The following FGFR2 variants were observed in gnomAD, a reference collection of about 807,000 sequenced individuals.
FGFR2 encodes the protein fibroblast growth factor receptor 2.
Under a neutral mutation model 95.9 loss-of-function variants are expected in FGFR2, and 19 were observed. The ratio of observed to expected loss-of-function variants is 0.20; its 90% CI spans 0.14 to 0.29. The LOEUF is 0.29. FGFR2 is among the 10% of genes least tolerant of loss of function. The pLI, the probability that FGFR2 is intolerant of heterozygous loss-of-function variation, is 1.00. For synonymous variants in FGFR2, 392 were observed against 393.3 expected, an observed-to-expected ratio of 1.00 and a Z score of 0.04; for missense variants, 707 against 1,056.9, an observed-to-expected ratio of 0.67 and a Z score of 4.59.
intron 2 of FGFR2, among the ~76,000 whole-genome samples, chr10:121,582,358 G>C (rs935771448): frequency 6.6e-6 from 1 of 152,100 alleles, no homozygotes; most frequent in Non-Finnish European, 1.5e-5. Flanking sequence ...GGAGCAAATG[G>C]ATGAAAAAAC....
At chr10:121,498,041 C>T (rs1203252914) in intron 12 of FGFR2, among the ~76,000 whole-genome samples, 1 of 152,218 alleles carries the variant, frequency 6.6e-6, no homozygotes, top group Non-Finnish European at 1.5e-5. Context: ...TTCCTTCATA[C>T]CGCTTTCTCC....
At chr10:121,586,030 A>AC (rs1337160417) in intron 2 of FGFR2, among the ~76,000 whole-genome samples, 2 of 151,884 alleles carry the variant, frequency 1.3e-5, no homozygotes, top group African/African-American at 4.8e-5. Context: ...TTTATAGTAC[A>AC]CCCCCCTGAG....
intron 5 of FGFR2, among the ~76,000 whole-genome samples, chr10:121,540,411 A>T (rs41295503): frequency 0.025 from 3,827 of 152,282 alleles, 165 homozygotes; most frequent in African/African-American, 0.084. Flanking sequence ...CTTAAGAGAG[A>T]TAAGCACCTT....
At chr10:121,584,974 C>G (rs529034412) in intron 2 of FGFR2, among the ~76,000 whole-genome samples, 1 of 147,350 alleles carries the variant, frequency 6.8e-6, no homozygotes, top group Non-Finnish European at 1.5e-5. Context: ...CCATCCCGCA[C>G]CCCACCCCAA....
At position 121,565,787 on chromosome 10, in the gene FGFR2, C is replaced by T. The variant is rs1857591328; in HGVS notation, c.110-83G>A. On this transcript the variant is annotated intron_variant, in intron 2 of 17. Transcript: ENST00000358487. ...ACGTCCAACAAAGGTCAGTGGAGGC[C>T]TGCTTATTCCCAGGAGAAGCTGTTC... is the stretch of plus-strand genomic sequence containing the variant. 4.6e-6 allele frequency: 7 copies of T among 1,528,988 alleles called. No individual in the cohort carries two copies. In the Admixed American group the frequency reaches 5.2e-5, roughly 11 times the overall value. The allele number at this position is 1,528,988 out of a possible 1,614,324, so 94.7% of individuals were successfully genotyped here.
chr10:121,544,139 TCAG>T (rs1854164362), intron 5 of FGFR2, among the ~76,000 whole-genome samples: 8 of 152,076 alleles, frequency 5.3e-5, no homozygotes, highest in Admixed American at 5.2e-4. Context: ...GTGATCATCA[TCAG>T]ATGAATGGAT....
intron 13 of FGFR2, among the ~76,000 whole-genome samples, chr10:121,489,876 T>C (rs1845904594): frequency 6.6e-6 from 1 of 152,196 alleles, no homozygotes; most frequent in Non-Finnish European, 1.5e-5. Context: ...AGCGGGTCTC[T>C]ACGCTTCCAA....
intron 13 of FGFR2, among the ~76,000 whole-genome samples, chr10:121,494,107 G>C (rs1170046872): frequency 6.6e-6 from 1 of 151,820 alleles, no homozygotes; most frequent in Non-Finnish European, 1.5e-5. Flanking sequence ...AAGCAGCAGT[G>C]AGAGGCATTT....
intron 14 of FGFR2, 86 bp from the exon 15 acceptor site, chr10:121,487,510 G>C (rs1299993204): frequency 3.6e-5 from 41 of 1,133,040 alleles, no homozygotes; most frequent in Admixed American, 5.9e-5. Flanking sequence ...CCCTGTTTAA[G>C]AGCTGATATT....
At position 121,480,000 on chromosome 10, in the gene FGFR2, G is replaced by GTT; in HGVS notation, c.2321_2322dup (p.Pro775AsnfsTer42). ...TAACTAGGTGAATACTGTTCGAGAG[G>GTT]TTGGCTGAGGTCCAAGTATTCCTGA... On this transcript the variant is annotated frameshift_variant, in exon 18 of 18. Transcript: ENST00000358487. LOFTEE classifies it high-confidence loss of function. 1 of 1,614,148 alleles carries GTT rather than the reference G, an allele frequency of 6.2e-7. No homozygotes were observed. The highest frequency in any genetic ancestry group is 8.5e-7 in the Non-Finnish European group (1 of 1,180,008).
At chr10:121,572,761 T>C (rs1249751348) in intron 2 of FGFR2, among the ~76,000 whole-genome samples, 1 of 152,244 alleles carries the variant, frequency 6.6e-6, no homozygotes, top group Non-Finnish European at 1.5e-5. Flanking sequence ...ATAGGACCTC[T>C]GACTGGGGAG....
intron 2 of FGFR2, among the ~76,000 whole-genome samples, chr10:121,569,007 T>C (rs960697562): frequency 1.3e-5 from 2 of 152,116 alleles, no homozygotes; most frequent in African/African-American, 4.8e-5. Flanking sequence ...TGTTGCAGGG[T>C]AAGAGTACCC....
chr10:121,502,876 C>A (rs1847779643), intron 10 of FGFR2, among the ~76,000 whole-genome samples: 1 of 152,148 alleles, frequency 6.6e-6, no homozygotes, highest in African/African-American at 2.4e-5. Context: ...AGGGGTCGGT[C>A]CCTGCCTAGA....
At position 121,517,581 on chromosome 10, in the gene FGFR2, T is replaced by G; in HGVS notation, c.940-118A>C. On this transcript the variant is annotated intron_variant, in intron 7 of 17. Transcript: ENST00000358487. The surrounding 1 kb of genome is among the most constrained non-coding windows in gnomAD (Gnocchi z 4.7). Reference sequence around the variant, plus strand: ...TCAGGGGGTGCTGGCCACTGGGAGATTCCGACTGCAGCCCATCCACAAAGC... The same window carrying G: ...TCAGGGGGTGCTGGCCACTGGGAGAGTCCGACTGCAGCCCATCCACAAAGC... 1.7e-6 allele frequency: 2 copies of G among 1,167,726 alleles called. No individual in the cohort carries two copies. Among genetic ancestry groups the G allele is most frequent in the Non-Finnish European group, 1.3e-6 (1 of 798,216 alleles). The allele number at this position is 1,167,726 out of a possible 1,614,324, so 72.3% of individuals were successfully genotyped here. A position where few individuals can be genotyped will look rare whatever the true frequency, so the allele number is the denominator to read the frequency against.
intron 4 of FGFR2, among the ~76,000 whole-genome samples, chr10:121,557,408 AG>A (rs1045654017): frequency 2.0e-5 from 3 of 152,292 alleles, no homozygotes; most frequent in Admixed American, 1.3e-4. Flanking sequence ...TCCTGGGCTC[AG>A]GTGATCCTCC....
At chr10:121,564,675 C>T in intron 3 of FGFR2, 96 bp from the exon 4 acceptor site, 1 of 1,098,424 alleles carries the variant, frequency 9.1e-7, no homozygotes. Flanking sequence ...GCAAAGTCAA[C>T]AACCCAGGAA....
At chr10:121,561,404 A>G (rs894880784) in intron 4 of FGFR2, among the ~76,000 whole-genome samples, 1 of 150,652 alleles carries the variant, frequency 6.6e-6, no homozygotes, top group Non-Finnish European at 1.5e-5. Flanking sequence ...AGCCTGGGCA[A>G]CAAGAGCGAA....
At chr10:121,540,880 T>C (rs1029373926) in intron 5 of FGFR2, among the ~76,000 whole-genome samples, 1 of 152,200 alleles carries the variant, frequency 6.6e-6, no homozygotes, top group African/African-American at 2.4e-5. Context: ...ATTTGGCACA[T>C]GGAGTATTCC....
intron 17 of FGFR2, among the ~76,000 whole-genome samples, chr10:121,483,099 A>G (rs1844971647): frequency 1.3e-5 from 2 of 152,210 alleles, no homozygotes; most frequent in Non-Finnish European, 2.9e-5. Flanking sequence ...ATTTTAGGGA[A>G]AATAAATATT....
Sources: allele counts gnomAD v4.1 joint callset (sites outside exome capture counted in the v4.1 genomes callset), GRCh38; gene constraint gnomAD v4.1.1; non-coding constraint Gnocchi (gnomAD v3.1); transcripts MANE v1.5; gene names NCBI Gene and HGNC (gene_info 2026-07-23, HGNC 2026-07-21).